The following PCDHGB2 variants were observed in gnomAD, a reference collection of about 807,000 sequenced individuals.
PCDHGB2 encodes the protein protocadherin gamma subfamily B, 2, also known as protocadherin gamma-B2.
PCDHGB2 carries 55 observed loss-of-function variants against 59.3 expected under a neutral mutation model. That is an observed-to-expected ratio of 0.93 (90% CI 0.75 to 1.16). The LOEUF is 1.16. Ranked by LOEUF, PCDHGB2 falls within the 50% of genes most tolerant of loss-of-function variation. The pLI is 0.00. For synonymous variants in PCDHGB2, 516 were observed against 512.0 expected, an observed-to-expected ratio of 1.01 and a Z score of -0.11; for missense variants, 1,228 against 1,198.5, an observed-to-expected ratio of 1.02 and a Z score of -0.36.
In PCDHGB2 at chr5:141,371,998, G is replaced by T. The variant is rs893704391; in HGVS notation, c.2421+9442G>T. ...GCCTTCGAGCTCACTCTGCAGGCCCGCGACCAGGGCTCGCCTACGCTCAGC... is the reference window on the plus strand; with the variant it reads ...GCCTTCGAGCTCACTCTGCAGGCCCTCGACCAGGGCTCGCCTACGCTCAGC... On this transcript the variant is annotated intron_variant, in intron 1 of 3. Transcript: ENST00000522605. The T allele has an allele frequency of 3.1e-6, 5 of 1,613,148 alleles. No homozygotes were observed. In the African/African-American group the frequency reaches 6.7e-5, roughly 22 times the overall value.
chr5:141,426,090 T>G (rs545457395), intron 1 of PCDHGB2, among the ~76,000 whole-genome samples: 1 of 152,246 alleles, frequency 6.6e-6, no homozygotes, highest in African/African-American at 2.4e-5. Context: ...CAGGACGATA[T>G]TCTGTTCAGT....
At chr5:141,374,777 G>A (rs755463569) in intron 1 of PCDHGB2, 1 of 1,613,852 alleles carries the variant, frequency 6.2e-7, no homozygotes, top group South Asian at 1.1e-5. Context: ...TCTGGTAACA[G>A]TTCTAGATGT....
At position 141,362,269 on chromosome 5, in the gene PCDHGB2, T is replaced by C; in HGVS notation, c.2134T>C (p.Ser712Pro). 2 of 1,614,034 alleles carry C rather than the reference T, an allele frequency of 1.2e-6. No homozygotes were observed. The highest frequency in any genetic ancestry group is 1.7e-6 in the Non-Finnish European group (2 of 1,179,892). The change falls in exon 1 of 4, where the codon TCC (serine) becomes CCC (proline). Residue 712 changes from serine to proline, a missense_variant. Ser to Pro is a moderately conservative substitution (Grantham distance 74). Around this residue, in one of 3 missense-constraint regions of PCDHGB2, gnomAD observed 433 missense variants for 441.8 expected, o/e 0.98. Coordinates refer to ENST00000522605, the MANE Select transcript of PCDHGB2 (RefSeq NM_018923.3). ...CTTCCTCGCGGTGATTCTGGCAATC[T>C]CCCTGCGCCTGCGACTCTCTTCCAG... is the stretch of plus-strand genomic sequence containing the variant. The part of the protein sequence containing the change: ...LFFLAVILAI[S>P]LRLRLSSRSD...
chr5:141,385,339 C>T (rs1379260130), intron 1 of PCDHGB2: 1 of 1,570,014 alleles, frequency 6.4e-7, no homozygotes, highest in African/African-American at 1.4e-5. Flanking sequence ...CCCAGCCCTT[C>T]CTTTATTTCC....
In PCDHGB2 at chr5:141,360,170, G is replaced by A; in HGVS notation, c.35G>A (p.Arg12Gln). ...AGCTCAGGGAGGTGCGGGCTGGTGCGGTGGCTGCAGGTACTGTTGCCCTTC... is the reference window on the plus strand; with the variant it reads ...AGCTCAGGGAGGTGCGGGCTGGTGCAGTGGCTGCAGGTACTGTTGCCCTTC... ...KASSGRCGLV[R>Q]WLQVLLPFLL... The change falls in exon 1 of 4, where the codon CGG (arginine) becomes CAG (glutamine). Residue 12 changes from arginine to glutamine, a missense_variant. By Grantham distance (43) the Arg-to-Gln change is conservative. Transcript: ENST00000522605. 3.1e-6 allele frequency: 5 copies of A among 1,607,748 alleles called. No individual in the cohort carries two copies. Among genetic ancestry groups the A allele is most frequent in the South Asian group, 1.1e-5 (1 of 90,112 alleles).
intron 1 of PCDHGB2, among the ~76,000 whole-genome samples, chr5:141,405,769 C>T (rs1363688527): frequency 2.6e-5 from 4 of 152,080 alleles, no homozygotes; most frequent in Non-Finnish European, 2.9e-5. Context: ...TGAGCCACTG[C>T]GCCTGGCCCT....
intron 1 of PCDHGB2, chr5:141,389,833 C>T (rs1561628239): frequency 6.2e-7 from 1 of 1,613,996 alleles, no homozygotes; most frequent in East Asian, 2.2e-5. Flanking sequence ...GGTGGACAGC[C>T]ACCACTCTCG....
Position 141,362,041 on chromosome 5 carries a change from G to T in PCDHGB2, c.1906G>T (p.Asp636Tyr), listed in dbSNP as rs767982105. Reference protein sequence around the residue: ...VRTARALGDRDAARQRLLVAV... With the variant: ...VRTARALGDRYAARQRLLVAV... ...CACAGCGCGTGCCTTGGGCGACAGG[G>T]ACGCGGCCCGCCAGCGCCTGCTGGT... Residue 636 changes from aspartate to tyrosine, a missense_variant, in exon 1 of 4, where the codon GAC becomes TAC. Physicochemically the swap from Asp to Tyr is radical, Grantham distance 160. Around this residue, in one of 3 missense-constraint regions of PCDHGB2, gnomAD observed 433 missense variants for 441.8 expected, o/e 0.98. Coordinates refer to ENST00000522605, the MANE Select transcript of PCDHGB2 (RefSeq NM_018923.3). The T allele has an allele frequency of 2.5e-6, 4 of 1,610,230 alleles. No homozygotes were observed. Among genetic ancestry groups the T allele is most frequent in the Admixed American group, 1.7e-5 (1 of 59,832 alleles).
chr5:141,364,215 A>G, intron 1 of PCDHGB2: 1 of 1,300,530 alleles, frequency 7.7e-7, no homozygotes, highest in South Asian at 1.7e-5. Context: ...AGCTCCTACG[A>G]AAAGCCAACG....
At chr5:141,419,803 T>C (rs2096436352) in intron 1 of PCDHGB2, 3 of 1,614,026 alleles carry the variant, frequency 1.9e-6, no homozygotes, top group Non-Finnish European at 2.5e-6. Context: ...CTGTAAGAGA[T>C]GGAGGACAGC....
At chr5:141,375,420 A>G (rs777736413) in intron 1 of PCDHGB2, 6 of 1,614,002 alleles carry the variant, frequency 3.7e-6, no homozygotes, top group Admixed American at 3.3e-5. Flanking sequence ...GCAGACACCA[A>G]CGACAACCCG....
chr5:141,404,142 C>CAGA (rs781433913), intron 1 of PCDHGB2: 9 of 1,612,668 alleles, frequency 5.6e-6, no homozygotes, highest in Non-Finnish European at 6.8e-6. Flanking sequence ...TTAGAAAATT[C>CAGA]AGAAGAAGAT....
Position 141,420,249 on chromosome 5 carries a change from A to C in PCDHGB2, c.2421+57693A>C. 4 of 1,580,072 alleles carry C rather than the reference A, an allele frequency of 2.5e-6. No homozygotes were observed. In the Admixed American group the frequency reaches 7.3e-5, roughly 29 times the overall value. On this transcript the variant is annotated intron_variant, in intron 1 of 3. Transcript: ENST00000522605. The stretch of plus-strand genomic sequence containing the variant: ...GCTAGCATTTTAACTCCCAGCGTTG[A>C]AGCAGATAAGAAGATTCTTAAACAG...
At chr5:141,392,945 C>T (rs1561639150) in intron 1 of PCDHGB2, 1 of 1,613,916 alleles carries the variant, frequency 6.2e-7, no homozygotes. Flanking sequence ...AAGGCTCCTT[C>T]GTGGGTAATA....
rs756094875 is a variant in PCDHGB2 at position 141,419,594 on chromosome 5, C to T, written c.2421+57038C>T. 2.6e-5 allele frequency: 42 copies of T among 1,611,572 alleles called. No homozygotes were observed. Among genetic ancestry groups the T allele is most frequent in the Admixed American group, 3.3e-5 (2 of 59,964 alleles). ...CGGCTCCGCGCTCTTCGACACAGTG[C>T]CGCGGGCCGCGCAGCCAGGCTACCT... On this transcript the variant is annotated intron_variant, in intron 1 of 3. Transcript: ENST00000522605.
chr5:141,410,155 G>T, intron 1 of PCDHGB2: 1 of 1,612,898 alleles, frequency 6.2e-7, no homozygotes. Context: ...ACGGTGGACA[G>T]CCGCCACTCT....
At chr5:141,372,376 AC>A (rs1371288225) in intron 1 of PCDHGB2, 1 of 1,613,960 alleles carries the variant, frequency 6.2e-7, no homozygotes, top group Admixed American at 1.7e-5. Flanking sequence ...GTCATGCTGC[AC>A]CTAATCTTCG....
At chr5:141,366,405 A>G (rs774336426) in intron 1 of PCDHGB2, 3 of 1,614,106 alleles carry the variant, frequency 1.9e-6, no homozygotes, top group Non-Finnish European at 1.7e-6. Context: ...CTCACACTCT[A>G]TCTTGTGGTG....
In PCDHGB2 at chr5:141,388,074, C is replaced by T. The variant is rs770542956; in HGVS notation, c.2421+25518C>T. 1.6e-5 allele frequency: 22 copies of T among 1,363,892 alleles called. No homozygotes were observed. In the South Asian group the frequency reaches 2.8e-4, roughly 17 times the overall value. 84.5% of individuals were successfully genotyped at this position (1,363,892 alleles called of 1,614,324 possible). On this transcript the variant is annotated intron_variant, in intron 1 of 3. Transcript: ENST00000522605. ...GTTCAGCGTCCAGGAGTTACCGACT[C>T]GAAAACTGCGCGTCAGTTCGGAGAA...
Sources: gnomAD v4.1 joint callset for allele counts (sites outside exome capture counted in the v4.1 genomes callset) on GRCh38, gnomAD v4.1.1 for gene constraint, gnomAD v4.1.1 regional missense constraint, MANE v1.5 for transcripts, NCBI Gene and HGNC (gene_info 2026-07-23, HGNC 2026-07-21) for gene names.